MDH1B: variants seen among roughly 807,000 people sequenced by gnomAD.
MDH1B encodes malate dehydrogenase 1B, also known as putative malate dehydrogenase 1B.
Under a neutral mutation model 61.4 loss-of-function variants are expected in MDH1B, and 60 were observed. That is an observed-to-expected ratio of 0.98 (90% CI 0.79 to 1.21). The LOEUF (loss-of-function observed/expected upper bound fraction) is 1.21. Ranked by LOEUF, MDH1B falls within the 50% of genes most tolerant of loss-of-function variation. The pLI is 0.00. For synonymous variants in MDH1B, 236 were observed against 218.7 expected (o/e 1.08, Z -0.70); for missense variants, 587 against 632.1 (o/e 0.93, Z 0.76).
chr2:206,756,871 A>T, intron 4 of MDH1B, 27 bp downstream of exon 4: 1 of 1,610,202 alleles, frequency 6.2e-7, no homozygotes. Flanking sequence ...AGTAAATCTC[A>T]TGAATCCTGG....
In MDH1B at chr2:206,755,875, C is replaced by G. The variant is rs115325614; in HGVS notation, c.414-370G>C. 9.5e-3 allele frequency among the ~76,000 whole-genome samples: 1,145 copies of G among 120,112 alleles called. 11 individuals carry two copies. The highest frequency in any genetic ancestry group is 0.033 in the African/African-American group (1,080 of 32,418). The allele number at this position is 120,112 out of a possible 152,430, so 78.8% of individuals were successfully genotyped here. On this transcript the variant is annotated intron_variant, in intron 4 of 11. Transcript: ENST00000374412. Reference sequence around the variant, plus strand: ...AGATGTAAGTTTCAGTTAGCCATAGCTCTTTTTTAAAAAATACAACCTCAT... The same window carrying G: ...AGATGTAAGTTTCAGTTAGCCATAGGTCTTTTTTAAAAAATACAACCTCAT...
In MDH1B at chr2:206,737,898, A is replaced by C. The variant is rs993673290; in HGVS notation, c.*585T>G. On this transcript the variant is annotated 3_prime_UTR_variant, in exon 12 of 12. Transcript: ENST00000374412. ...GCACACTCAAGGAAAAATGGTACAG[A>C]GGCAGGTCTTATGAAGGTGGTGAAC... 22 of 152,420 alleles carry C rather than the reference A, an allele frequency of 1.4e-4. No individual in the cohort carries two copies. The highest frequency in any genetic ancestry group is 5.0e-4 in the African/African-American group (21 of 41,586). 9.4% of individuals were successfully genotyped at this position (152,420 alleles called of 1,614,324 possible).
chr2:206,751,455 T>A (rs1024445719), intron 5 of MDH1B, among the ~76,000 whole-genome samples: 1 of 152,176 alleles, frequency 6.6e-6, no homozygotes, highest in Non-Finnish European at 1.5e-5. Context: ...GAGAAAGGAC[T>A]TTTTAATATG....
At chr2:206,743,894 A>G (rs886425798) in intron 9 of MDH1B, among the ~76,000 whole-genome samples, 4 of 152,070 alleles carry the variant, frequency 2.6e-5, no homozygotes, top group Non-Finnish European at 5.9e-5. Context: ...CACATCCTAA[A>G]TATCTCTCAA....
intron 9 of MDH1B, among the ~76,000 whole-genome samples, chr2:206,742,113 A>G (rs11889253): frequency 0.29 from 43,557 of 152,084 alleles, 8,471 homozygotes; most frequent in East Asian, 0.56. Flanking sequence ...TGATGAACTC[A>G]GAGATTCTGT....
At chr2:206,761,629 T>C (rs1297500181) in intron 1 of MDH1B, among the ~76,000 whole-genome samples, 1 of 151,972 alleles carries the variant, frequency 6.6e-6, no homozygotes, top group African/African-American at 2.4e-5. Context: ...TATATGTACA[T>C]GTATATGTAT....
chr2:206,753,927 C>CAGTAGTGTATCATAGACTTT (rs1410783812), intron 5 of MDH1B, among the ~76,000 whole-genome samples: 2 of 144,910 alleles, frequency 1.4e-5, no homozygotes, highest in Non-Finnish European at 3.0e-5. Context: ...TGATACTTTT[C>CAGTAGTGTATCATAGACTTT]AGTAGTGTAT....
chr2:206,763,320 C>G (rs891119802), intron 1 of MDH1B, among the ~76,000 whole-genome samples: 3 of 149,810 alleles, frequency 2.0e-5, no homozygotes, highest in Non-Finnish European at 4.4e-5. Context: ...ACTCCTTTTT[C>G]TCCCTTATCT....
intron 9 of MDH1B, among the ~76,000 whole-genome samples, chr2:206,742,711 A>ATTTTTT (rs59584383): frequency 1.0e-5 from 1 of 97,214 alleles, no homozygotes; most frequent in Non-Finnish European, 2.0e-5. Context: ...TGATGTCTCT[A>ATTTTTT]TTTTTTTTTT....
intron 1 of MDH1B, among the ~76,000 whole-genome samples, chr2:206,761,507 A>G (rs1478135602): frequency 6.6e-6 from 1 of 152,188 alleles, no homozygotes; most frequent in African/African-American, 2.4e-5. Context: ...GCTGACCTTA[A>G]CTAGAGAAAA....
chr2:206,757,758 TA>T (rs1688846588), intron 2 of MDH1B, among the ~76,000 whole-genome samples: 1 of 152,228 alleles, frequency 6.6e-6, no homozygotes, highest in Non-Finnish European at 1.5e-5. Flanking sequence ...TAGGGGCATA[TA>T]AAACTTGATA....
In MDH1B at chr2:206,746,280, A is replaced by T; in HGVS notation, c.1356+7T>A. ...GGTCAGTCCCCTTGCATCTATTCTG[A>T]CATTACCTGAATTAGATCACTTGTC... On this transcript the variant is annotated splice_region_variant and intron_variant, in intron 8 of 11. Coordinates refer to ENST00000374412, the MANE Select transcript of MDH1B (RefSeq NM_001039845.3). 1 of 1,611,336 alleles carries T rather than the reference A, an allele frequency of 6.2e-7. No individual in the cohort carries two copies.
In MDH1B at chr2:206,761,606, A is replaced by ATATATG. The variant is rs1203070887; in HGVS notation, c.23-599_23-594dup. ...GGATATGATCAGCAAGTAGCTGGAT[A>ATATATG]TATATGTATATGTATATGTACATGT... On this transcript the variant is annotated intron_variant, in intron 1 of 11. Transcript: ENST00000374412. Among the ~76,000 whole-genome samples the ATATATG allele has an allele frequency of 1.2e-3, 182 of 152,194 alleles. 1 individual carries two copies. Among genetic ancestry groups the ATATATG allele is most frequent in the African/African-American group, 3.7e-3 (155 of 41,476 alleles).
intron 2 of MDH1B, among the ~76,000 whole-genome samples, chr2:206,759,879 C>A (rs1387520034): frequency 6.6e-6 from 1 of 152,098 alleles, no homozygotes; most frequent in Non-Finnish European, 1.5e-5. Context: ...TAGCTGAAGA[C>A]CAGACCAGCA....
rs1368919819 is a variant in MDH1B, at chr2:206,745,427, T to C, written c.1408+195A>G. 42 of 660,268 alleles carry C rather than the reference T, an allele frequency of 6.4e-5. No individual in the cohort carries two copies. In the South Asian group the frequency reaches 6.4e-4, roughly 10 times the overall value. The allele number at this position is 660,268 out of a possible 1,614,324, so 40.9% of individuals were successfully genotyped here. On this transcript the variant is annotated intron_variant, in intron 9 of 11. Coordinates refer to ENST00000374412, the MANE Select transcript of MDH1B (RefSeq NM_001039845.3). ...TTTATAAGATCATAGTGTTCATAAG[T>C]TGTGTTTTCTTTAACATTCTTATGA...
intron 7 of MDH1B, among the ~76,000 whole-genome samples, chr2:206,748,155 T>C (rs6435347): frequency 0.13 from 19,097 of 152,180 alleles, 1,780 homozygotes; most frequent in African/African-American, 0.27. Flanking sequence ...CCAAGGCAGG[T>C]AGATCACAAG....
chr2:206,756,781 A>G (rs1026666177), intron 4 of MDH1B, 117 bp downstream of exon 4: 6 of 1,060,300 alleles, frequency 5.7e-6, no homozygotes, highest in African/African-American at 1.6e-5. Context: ...GTATACATAC[A>G]CACAAATTTC....
intron 11 of MDH1B, among the ~76,000 whole-genome samples, chr2:206,739,158 G>C (rs1296948838): frequency 9.9e-5 from 15 of 152,144 alleles, no homozygotes; most frequent in Admixed American, 8.5e-4. Flanking sequence ...GCTCACGCCT[G>C]TAATTCTAGC....
chr2:206,758,210 A>G (rs899236514), intron 2 of MDH1B, among the ~76,000 whole-genome samples: 10 of 152,236 alleles, frequency 6.6e-5, no homozygotes, highest in African/African-American at 2.4e-4. Flanking sequence ...CCTGCAAAGC[A>G]TGTTAATGTC....
Sources: gnomAD v4.1 joint callset for allele counts (sites outside exome capture counted in the v4.1 genomes callset) on GRCh38, gnomAD v4.1.1 for gene constraint, MANE v1.5 for transcripts, NCBI Gene and HGNC (gene_info 2026-07-23, HGNC 2026-07-21) for gene names.